LRRTM4: variants seen among roughly 807,000 people sequenced by gnomAD.
The protein encoded by LRRTM4 is leucine-rich repeat transmembrane neuronal protein 4.
In LRRTM4, 25 loss-of-function variants were observed where a neutral mutation model predicts 47.6. That is an observed-to-expected ratio of 0.53 (90% CI 0.38 to 0.73). The LOEUF is 0.73. Ranked by LOEUF, LRRTM4 falls within the 30% of genes least tolerant of loss-of-function variation. The pLI, the probability that LRRTM4 is intolerant of heterozygous loss-of-function variation, is 0.00. For synonymous variants in LRRTM4, 311 were observed against 269.5 expected, an observed-to-expected ratio of 1.15 and a Z score of -1.51; for missense variants, 638 against 713.4, an observed-to-expected ratio of 0.89 and a Z score of 1.20.
At chr2:77,262,424 A>G (rs1216986197) in intron 3 of LRRTM4, among the ~76,000 whole-genome samples, 1 of 151,978 alleles carries the variant, frequency 6.6e-6, no homozygotes, top group African/African-American at 2.4e-5. Context: ...AGTATGGTAC[A>G]TTTGTTATAA....
intron 3 of LRRTM4, among the ~76,000 whole-genome samples, chr2:77,388,566 T>C (rs1673378114): frequency 6.6e-6 from 1 of 152,148 alleles, no homozygotes; most frequent in South Asian, 2.1e-4. Context: ...TTTTTTCCTT[T>C]AGGATAGTTT....
At chr2:77,503,477 C>G (rs1017722800) in intron 3 of LRRTM4, among the ~76,000 whole-genome samples, 1 of 151,594 alleles carries the variant, frequency 6.6e-6, no homozygotes, top group Non-Finnish European at 1.5e-5. Flanking sequence ...TCTCAGATAT[C>G]TGAATTCAGG....
At chr2:76,774,941 C>T (rs1262164961) in intron 3 of LRRTM4, among the ~76,000 whole-genome samples, 2 of 152,152 alleles carry the variant, frequency 1.3e-5, no homozygotes, top group African/African-American at 4.8e-5. Flanking sequence ...ATTGCTTCTT[C>T]TATGTCTTCT....
intron 3 of LRRTM4, among the ~76,000 whole-genome samples, chr2:76,787,590 T>C (rs1450034964): frequency 1.3e-5 from 2 of 151,856 alleles, no homozygotes; most frequent in East Asian, 1.9e-4. Flanking sequence ...TTTTTTTTAG[T>C]GTTTTGGTTA....
At chr2:77,084,310 C>G (rs1021212812) in intron 3 of LRRTM4, among the ~76,000 whole-genome samples, 2 of 152,054 alleles carry the variant, frequency 1.3e-5, no homozygotes, top group Admixed American at 6.6e-5. Flanking sequence ...CATCTTGAAC[C>G]CCGAAGATGA....
intron 3 of LRRTM4, among the ~76,000 whole-genome samples, chr2:77,362,107 A>AAGACAGAG (rs1466397830): frequency 7.4e-6 from 1 of 135,612 alleles, no homozygotes. Flanking sequence ...AAAGGAAAGA[A>AAGACAGAG]AGAAAGAGAG....
intron 3 of LRRTM4, among the ~76,000 whole-genome samples, chr2:76,770,371 C>T (rs972436361): frequency 6.6e-6 from 1 of 152,028 alleles, no homozygotes; most frequent in African/African-American, 2.4e-5. Flanking sequence ...CTGTATTGAC[C>T]ATGTGGTGAT....
At chr2:76,752,262 C>G (rs962506675) in intron 3 of LRRTM4, among the ~76,000 whole-genome samples, 1 of 152,062 alleles carries the variant, frequency 6.6e-6, no homozygotes, top group Non-Finnish European at 1.5e-5. Flanking sequence ...TTACTTAAAG[C>G]CTTTTAATTT....
At chr2:77,340,444 G>A (rs376894182) in intron 3 of LRRTM4, among the ~76,000 whole-genome samples, 6 of 152,074 alleles carry the variant, frequency 3.9e-5, no homozygotes, top group Admixed American at 2.6e-4. Flanking sequence ...AATACACTAC[G>A]TGGTACAGTG....
At chr2:77,219,896 G>T (rs1384797663) in intron 3 of LRRTM4, among the ~76,000 whole-genome samples, 1 of 152,148 alleles carries the variant, frequency 6.6e-6, no homozygotes, top group East Asian at 1.9e-4. Context: ...CTGAGAACAG[G>T]CAGACTGCCT....
intron 3 of LRRTM4, among the ~76,000 whole-genome samples, chr2:77,342,784 G>A: frequency 6.6e-6 from 1 of 151,798 alleles, no homozygotes; most frequent in African/African-American, 2.4e-5. Flanking sequence ...TAATATAAAA[G>A]CAGAGTTGTC....
intron 3 of LRRTM4, among the ~76,000 whole-genome samples, chr2:76,832,970 C>T (rs1015217230): frequency 6.6e-6 from 1 of 152,008 alleles, no homozygotes; most frequent in Non-Finnish European, 1.5e-5. Flanking sequence ...GCACACTAGA[C>T]ACACTTTTGC....
chr2:77,082,038 C>T (rs571102042), intron 3 of LRRTM4, among the ~76,000 whole-genome samples: 33 of 152,214 alleles, frequency 2.2e-4, no homozygotes, highest in African/African-American at 7.7e-4. Context: ...AGTTTAGTAG[C>T]TATATGTTAT....
At chr2:77,480,034 C>T (rs939496114) in intron 3 of LRRTM4, among the ~76,000 whole-genome samples, 1 of 152,058 alleles carries the variant, frequency 6.6e-6, no homozygotes, top group African/African-American at 2.4e-5. Context: ...GATATCACCA[C>T]CATCTAGAGG....
intron 3 of LRRTM4, among the ~76,000 whole-genome samples, chr2:77,515,397 T>C (rs957990404): frequency 6.6e-6 from 1 of 151,838 alleles, no homozygotes; most frequent in Non-Finnish European, 1.5e-5. Flanking sequence ...ATTTAAAAAA[T>C]CCTTTTAAAA....
intron 3 of LRRTM4, among the ~76,000 whole-genome samples, chr2:76,902,731 C>T (rs1281027150): frequency 6.6e-6 from 1 of 152,122 alleles, no homozygotes; most frequent in Non-Finnish European, 1.5e-5. Context: ...CTGTGATGCA[C>T]CACCATTTTA....
intron 3 of LRRTM4, among the ~76,000 whole-genome samples, chr2:76,908,644 G>C (rs959356416): frequency 2.0e-5 from 3 of 152,164 alleles, no homozygotes; most frequent in Admixed American, 1.3e-4. Context: ...CTTCAGCAAA[G>C]TTTCAGGACA....
chr2:77,435,469 T>C (rs907021531), intron 3 of LRRTM4, among the ~76,000 whole-genome samples: 6 of 152,182 alleles, frequency 3.9e-5, no homozygotes, highest in African/African-American at 1.4e-4. Flanking sequence ...ATTCTTTAAT[T>C]TCTTACATGA....
chr2:76,839,692 A>G (rs917447067), intron 3 of LRRTM4, among the ~76,000 whole-genome samples: 3 of 152,118 alleles, frequency 2.0e-5, no homozygotes, highest in African/African-American at 7.2e-5. Flanking sequence ...CCTTATTTGA[A>G]AGCATGTAGT....
Sources: allele counts gnomAD v4.1 joint callset (sites outside exome capture counted in the v4.1 genomes callset), GRCh38; gene constraint gnomAD v4.1.1; transcripts MANE v1.5; gene names NCBI Gene and HGNC (gene_info 2026-07-23, HGNC 2026-07-21).